Variants in FAM20A observed in about 807,000 individuals in gnomAD.
FAM20A encodes FAM20A golgi associated secretory pathway pseudokinase, also known as pseudokinase FAM20A.
In FAM20A, 42 loss-of-function variants were observed where a neutral mutation model predicts 52.0. The ratio of observed to expected loss-of-function variants is 0.81; its 90% CI spans 0.63 to 1.04. FAM20A has a LOEUF of 1.04. Ranked by LOEUF, FAM20A falls within the 50% of genes least tolerant of loss-of-function variation. The pLI is 0.00. For synonymous variants in FAM20A, 304 were observed against 298.9 expected (o/e 1.02, Z -0.18); for missense variants, 742 against 712.7 (o/e 1.04, Z -0.47).
chr17:68,572,009 T>C lies in FAM20A; in HGVS notation c.405-16266A>G, dbSNP rs1015483733. ...ATACATATATATATATATATATATA[T>C]ATATATATATATATATATATATATA... On this transcript the variant is annotated intron_variant, in intron 1 of 10. Coordinates refer to ENST00000592554, the MANE Select transcript of FAM20A (RefSeq NM_017565.4). 7.0e-3 allele frequency among the ~76,000 whole-genome samples: 340 copies of C among 48,418 alleles called. 15 individuals carry two copies. Among genetic ancestry groups the C allele is most frequent in the African/African-American group, 0.025 (329 of 13,074 alleles). The allele number at this position is 48,418 out of a possible 152,430, so 31.8% of individuals were successfully genotyped here. A position where few individuals can be genotyped will look rare whatever the true frequency, so the allele number is the denominator to read the frequency against.
chr17:68,536,671 T>C lies in FAM20A; in HGVS notation c.*806A>G. The C allele has an allele frequency of 4.4e-6, 2 of 452,994 alleles. No individual in the cohort carries two copies. Among genetic ancestry groups the C allele is most frequent in the Non-Finnish European group, 8.8e-6 (2 of 226,524 alleles). The allele number at this position is 452,994 out of a possible 1,614,324, so 28.1% of individuals were successfully genotyped here. ...AGTCAGCCTTGGCTCTTTTCCTGCC[T>C]TACTCCAGGCTTGTGTCCCTGCTAG... is the stretch of plus-strand genomic sequence containing the variant. On this transcript the variant is annotated 3_prime_UTR_variant, in exon 11 of 11. Coordinates refer to ENST00000592554, the MANE Select transcript of FAM20A (RefSeq NM_017565.4).
rs764249797 is a variant in FAM20A at position 68,542,060 on chromosome 17, G to A, written c.1034C>T (p.Pro345Leu). 3.1e-5 allele frequency: 50 copies of A among 1,614,044 alleles called. 2 individuals carry two copies. The South Asian group carries it at 4.3e-4, about 14-fold the overall frequency. The change falls in exon 7 of 11, where the codon CCG becomes CTG. Residue 345 changes from proline (P) to leucine (L), a missense_variant. Physicochemically the swap from Pro to Leu is moderately conservative, Grantham distance 98. Transcript: ENST00000592554. ...CAGCCTGGGGGCCAGGTTGAGGGAC[G>A]GCAGGAAGGCAGAGAGGGAACCCTC... ...LLEGSLSAFL[P>L]SLNLAPRLSV... is the part of the protein sequence containing the mutation.
Position 68,600,511 on chromosome 17 carries a change from G to A in FAM20A, c.156C>T (p.Ser52=), listed in dbSNP as rs573005058. Residue 52 remains serine (S), a synonymous_variant, in exon 1 of 11, where the codon TCC becomes TCT. Coordinates refer to ENST00000592554, the MANE Select transcript of FAM20A (RefSeq NM_017565.4). The surrounding 1 kb of genome is among the most constrained non-coding windows in gnomAD (Gnocchi z 6.2). Reference sequence around the variant, plus strand: ...CAGCTGCGGCCGAGTCCCGCGCCAGGGAGGAGGCGCGGCCGGTGCACGGGC... The same window carrying A: ...CAGCTGCGGCCGAGTCCCGCGCCAGAGAGGAGGCGCGGCCGGTGCACGGGC... ...RGCPCTGRAS[S]LARDSAAAAS... 4.1e-5 allele frequency: 65 copies of A among 1,583,012 alleles called. No individual in the cohort carries two copies. The African/African-American group carries it at 8.1e-4, about 20-fold the overall frequency.
rs367778108 is a variant in FAM20A at position 68,554,359 on chromosome 17, C to T, written c.640+418G>A. ...CAAGTGATCCACCCGCCTCGGACTC[C>T]CAGAGTGCTGGGATTACAGGTGTGA... On this transcript the variant is annotated intron_variant, in intron 3 of 10. Transcript: ENST00000592554. Among the ~76,000 whole-genome samples, 8 of 152,272 alleles carry T rather than the reference C, an allele frequency of 5.3e-5. No individual in the cohort carries two copies. The East Asian group carries it at 1.5e-3, about 29-fold the overall frequency.
chr17:68,577,590 T>C (rs2087810523), intron 1 of FAM20A, among the ~76,000 whole-genome samples: 1 of 152,196 alleles, frequency 6.6e-6, no homozygotes, highest in African/African-American at 2.4e-5. Context: ...GCCCCAAATG[T>C]CAGTAATGCT....
At chr17:68,551,831 C>T (rs2086850531) in intron 4 of FAM20A, 42 bp downstream of exon 4, 2 of 1,454,112 alleles carry the variant, frequency 1.4e-6, no homozygotes, top group East Asian at 2.5e-5. Context: ...CTTCCCAGGG[C>T]CACCCCAACT....
At chr17:68,589,522 G>A (rs1464557357) in intron 1 of FAM20A, among the ~76,000 whole-genome samples, 1 of 152,202 alleles carries the variant, frequency 6.6e-6, no homozygotes, top group East Asian at 1.9e-4. Context: ...AGTTATCAGA[G>A]ACCAATACCA....
At chr17:68,582,073 A>T (rs1159620532) in intron 1 of FAM20A, among the ~76,000 whole-genome samples, 1 of 152,214 alleles carries the variant, frequency 6.6e-6, no homozygotes. Context: ...CACCAGAGGC[A>T]CGGTTTGAAG....
chr17:68,581,388 T>TTCTTTCTTTCTTTCTTTCTTTCTTTC (rs1568774098), intron 1 of FAM20A, among the ~76,000 whole-genome samples: 5 of 146,452 alleles, frequency 3.4e-5, no homozygotes, highest in African/African-American at 1.0e-4. Flanking sequence ...CTTTCTTTCT[T>TTCTTTCTTTCTTTCTTTCTTTCTTTC]TCTTTCTTTC....
chr17:68,599,244 C>T (rs2088542581), intron 1 of FAM20A, among the ~76,000 whole-genome samples: 1 of 152,136 alleles, frequency 6.6e-6, no homozygotes, highest in Non-Finnish European at 1.5e-5. Context: ...CCACCGATGA[C>T]ATCTTACTTT....
chr17:68,535,988 G>A lies in FAM20A; in HGVS notation c.*1489C>T. 1 of 454,144 alleles carries A rather than the reference G, an allele frequency of 2.2e-6. No homozygotes were observed. The highest frequency in any genetic ancestry group is 1.6e-5 in the South Asian group (1 of 64,478). 28.1% of individuals were successfully genotyped at this position (454,144 alleles called of 1,614,324 possible). ...ATTGGAGGATGGGGGTTGTATCTGTGTTTGAGAGGATTGGAAACCTGTGTG... is the reference window on the plus strand; with the variant it reads ...ATTGGAGGATGGGGGTTGTATCTGTATTTGAGAGGATTGGAAACCTGTGTG... On this transcript the variant is annotated 3_prime_UTR_variant, in exon 11 of 11. Transcript: ENST00000592554.
intron 1 of FAM20A, among the ~76,000 whole-genome samples, chr17:68,565,521 G>A (rs868778820): frequency 7.3e-5 from 11 of 149,712 alleles, no homozygotes; most frequent in African/African-American, 2.7e-4. Context: ...AGCCTCCCAA[G>A]TAGCTGGGAT....
rs75623766 is a variant in FAM20A, at chr17:68,567,846, T to C, written c.405-12103A>G. On this transcript the variant is annotated intron_variant, in intron 1 of 10. Transcript: ENST00000592554. ...ATAGTGAGTGAGTTCTCAAGAGAGC[T>C]GATGGTTTTAGTGTGGCACTTCCTT... Among the ~76,000 whole-genome samples, 980 of 152,012 alleles carry C rather than the reference T, an allele frequency of 6.4e-3. 31 individuals carry two copies. The highest frequency in any genetic ancestry group is 0.022 in the African/African-American group (922 of 41,272).
chr17:68,539,507 A>ATGATCCCT, intron 9 of FAM20A, 111 bp from the exon 10 acceptor site: 3 of 973,052 alleles, frequency 3.1e-6, no homozygotes, highest in Non-Finnish European at 3.3e-6. Context: ...GTAAAATGCC[A>ATGATCCCT]GGGATCATGG....
intron 3 of FAM20A, among the ~76,000 whole-genome samples, chr17:68,552,666 C>CATTTTT: frequency 1.5e-5 from 1 of 66,848 alleles, no homozygotes; most frequent in African/African-American, 4.8e-5. Flanking sequence ...CTTTATTTTC[C>CATTTTT]TTTTTTTTTT....
intron 4 of FAM20A, among the ~76,000 whole-genome samples, chr17:68,546,335 G>A (rs2086565050): frequency 6.6e-6 from 1 of 151,902 alleles, no homozygotes; most frequent in Non-Finnish European, 1.5e-5. Flanking sequence ...ACCCCTCAAA[G>A]TCATCCATGG....
At chr17:68,544,705 G>A (rs1169925015) in intron 4 of FAM20A, among the ~76,000 whole-genome samples, 1 of 151,002 alleles carries the variant, frequency 6.6e-6, no homozygotes, top group Non-Finnish European at 1.5e-5. Flanking sequence ...TGCAGCCACC[G>A]TTACAGCACA....
At chr17:68,572,424 A>G (rs1002113691) in intron 1 of FAM20A, among the ~76,000 whole-genome samples, 9 of 152,138 alleles carry the variant, frequency 5.9e-5, no homozygotes, top group Admixed American at 4.6e-4. Context: ...TCCTTATCCA[A>G]TGGACTTTCT....
chr17:68,575,604 A>AT (rs1275271182), intron 1 of FAM20A, among the ~76,000 whole-genome samples: 12 of 108,238 alleles, frequency 1.1e-4, no homozygotes, highest in East Asian at 9.6e-4. Context: ...CATTATATAT[A>AT]ATATATTCTA....
Sources: gnomAD v4.1 joint callset for allele counts (sites outside exome capture counted in the v4.1 genomes callset) on GRCh38, gnomAD v4.1.1 for gene constraint, Gnocchi (gnomAD v3.1) non-coding constraint, MANE v1.5 for transcripts, NCBI Gene and HGNC (gene_info 2026-07-23, HGNC 2026-07-21) for gene names.